MBNL1: variants seen among roughly 807,000 people sequenced by gnomAD.
MBNL1 encodes muscleblind-like protein 1.
MBNL1 carries 8 observed loss-of-function variants against 42.2 expected under a neutral mutation model. The ratio of observed to expected loss-of-function variants is 0.19; its 90% CI spans 0.11 to 0.34. The LOEUF is 0.34. Among genes scored for constraint, MBNL1 ranks in the 10% least tolerant of loss-of-function variants. The probability of loss-of-function intolerance (pLI) is 1.00; values close to 1 mark genes in which losing one functional copy is unlikely to be tolerated. For synonymous variants in MBNL1, 169 were observed against 173.9 expected (o/e 0.97, Z 0.22); for missense variants, 309 against 495.3 (o/e 0.62, Z 3.57).
rs1039583818 is a variant in MBNL1 at position 152,414,802 on chromosome 3, G to T, written c.175-139G>T. On this transcript the variant is annotated intron_variant, in intron 2 of 9. Transcript: ENST00000324210. The stretch of plus-strand genomic sequence containing the variant: ...GGTGAATTCATTACTTGTTCTAAAT[G>T]TATGATCAAATGATATGGACAATGC... 17 of 735,378 alleles carry T rather than the reference G, an allele frequency of 2.3e-5. No individual in the cohort carries two copies. In the South Asian group the frequency reaches 2.7e-4, roughly 12 times the overall value. 45.6% of individuals were successfully genotyped at this position (735,378 alleles called of 1,614,324 possible). A position where few individuals can be genotyped will look rare whatever the true frequency, so the allele number is the denominator to read the frequency against.
At chr3:152,362,158 T>C (rs1316151902) in intron 2 of MBNL1, among the ~76,000 whole-genome samples, 1 of 151,928 alleles carries the variant, frequency 6.6e-6, no homozygotes, top group African/African-American at 2.4e-5. Context: ...ATTCTGGAGG[T>C]TTTATAATGG....
intron 4 of MBNL1, among the ~76,000 whole-genome samples, chr3:152,443,022 A>C (rs2099163931): frequency 6.6e-6 from 1 of 152,210 alleles, no homozygotes; most frequent in African/African-American, 2.4e-5. Context: ...GCAGTTGACT[A>C]AGTTTTTTTT....
intron 1 of MBNL1, among the ~76,000 whole-genome samples, chr3:152,288,144 G>T (rs2053661913): frequency 6.6e-6 from 1 of 152,186 alleles, no homozygotes; most frequent in Non-Finnish European, 1.5e-5. Flanking sequence ...CATATTTGAA[G>T]TCTTTTAAAA....
intron 3 of MBNL1, among the ~76,000 whole-genome samples, chr3:152,418,329 A>C (rs1239136307): frequency 6.6e-6 from 1 of 151,996 alleles, no homozygotes; most frequent in Admixed American, 6.6e-5. Context: ...GGAAGCACCT[A>C]ATTGGAGACA....
upstream of MBNL1, chr3:152,266,530 G>C (rs1263680266): frequency 2.0e-5 from 3 of 152,142 alleles, no homozygotes; most frequent in African/African-American, 7.2e-5. Flanking sequence ...ATTCTACAAG[G>C]GTTTGAGAAC....
chr3:152,422,808 C>G (rs2098829023), intron 3 of MBNL1, among the ~76,000 whole-genome samples: 1 of 152,198 alleles, frequency 6.6e-6, no homozygotes, highest in Non-Finnish European at 1.5e-5. Context: ...CAAAACCACA[C>G]AACCACATGG....
chr3:152,446,508 G>A (rs887652706), intron 5 of MBNL1, among the ~76,000 whole-genome samples: 3 of 151,812 alleles, frequency 2.0e-5, no homozygotes, highest in Non-Finnish European at 4.4e-5. Context: ...CAACTCAGTA[G>A]TGCCTTTATT....
intron 1 of MBNL1, among the ~76,000 whole-genome samples, chr3:152,278,151 G>T (rs1270800675): frequency 6.6e-6 from 1 of 151,942 alleles, no homozygotes; most frequent in Non-Finnish European, 1.5e-5. Context: ...GATATTCTTT[G>T]CCTTCTTTAT....
At chr3:152,438,096 GTAATTGGAGAAA>G (rs1408830578) in intron 4 of MBNL1, among the ~76,000 whole-genome samples, 1 of 152,200 alleles carries the variant, frequency 6.6e-6, no homozygotes, top group Admixed American at 6.5e-5. Flanking sequence ...CAAAGAGTTA[GTAATTGGAGAAA>G]TCATTGTTTG....
intron 2 of MBNL1, among the ~76,000 whole-genome samples, chr3:152,381,677 A>T (rs969596953): frequency 1.3e-4 from 20 of 152,014 alleles, no homozygotes; most frequent in African/African-American, 4.3e-4. Context: ...TTAACATGCC[A>T]ATAATTCTTT....
chr3:152,399,678 A>G (rs747345576), intron 2 of MBNL1, among the ~76,000 whole-genome samples: 32 of 151,644 alleles, frequency 2.1e-4, no homozygotes, highest in Non-Finnish European at 2.7e-4. Context: ...TTTTTTCTAT[A>G]TTTTTGTAGA....
intron 2 of MBNL1, among the ~76,000 whole-genome samples, chr3:152,334,694 T>A (rs1560188873): frequency 6.6e-6 from 1 of 152,194 alleles, no homozygotes; most frequent in Non-Finnish European, 1.5e-5. Context: ...ATGGTAACAT[T>A]CTTTCTTTCA....
At chr3:152,386,151 A>G (rs2097409694) in intron 2 of MBNL1, among the ~76,000 whole-genome samples, 2 of 152,062 alleles carry the variant, frequency 1.3e-5, no homozygotes, top group African/African-American at 4.8e-5. Context: ...AAAAAGCTCA[A>G]TTCTAGAAAA....
At chr3:152,432,254 A>C (rs1007406944) in intron 3 of MBNL1, among the ~76,000 whole-genome samples, 1 of 152,194 alleles carries the variant, frequency 6.6e-6, no homozygotes, top group East Asian at 1.9e-4. Context: ...TGGGAGTTCT[A>C]CTTTATTTAT....
Position 152,340,775 on chromosome 3 carries a change from A to C in MBNL1, c.174+40408A>C, listed in dbSNP as rs752244845. ...TCCAGGCCTGCTAACTCACTGAAGA[A>C]GAATCCAGCAGAAGGGGACTGGACA... On this transcript the variant is annotated intron_variant, in intron 2 of 9. Transcript: ENST00000324210. The C allele has an allele frequency of 8.7e-6, 14 of 1,614,084 alleles. No individual in the cohort carries two copies. In the East Asian group the frequency reaches 3.1e-4, roughly 36 times the overall value.
intron 1 of MBNL1, among the ~76,000 whole-genome samples, chr3:152,296,730 G>A (rs915201583): frequency 2.0e-5 from 3 of 151,720 alleles, no homozygotes; most frequent in Non-Finnish European, 4.4e-5. Context: ...GTGTGTTCAT[G>A]TGTTGTATTC....
intron 2 of MBNL1, among the ~76,000 whole-genome samples, chr3:152,356,137 T>C (rs1373568338): frequency 6.6e-6 from 1 of 152,124 alleles, no homozygotes; most frequent in African/African-American, 2.4e-5. Flanking sequence ...CATTAAAATG[T>C]ATGCTAAGAA....
intron 2 of MBNL1, among the ~76,000 whole-genome samples, chr3:152,248,027 A>G (rs1473042219): frequency 6.6e-6 from 1 of 151,926 alleles, no homozygotes; most frequent in African/African-American, 2.4e-5. Flanking sequence ...TGGTTATCAC[A>G]TTCTCAAAAT....
chr3:152,390,018 G>A (rs1463325144), intron 2 of MBNL1, among the ~76,000 whole-genome samples: 1 of 151,880 alleles, frequency 6.6e-6, no homozygotes, highest in African/African-American at 2.4e-5. Flanking sequence ...TGGGACTACA[G>A]GCTGCCATGC....
Sources: allele counts gnomAD v4.1 joint callset (sites outside exome capture counted in the v4.1 genomes callset), GRCh38; gene constraint gnomAD v4.1.1; transcripts MANE v1.5; gene names NCBI Gene and HGNC (gene_info 2026-07-23, HGNC 2026-07-21).